Variants in PPP1R9A observed in about 807,000 individuals in gnomAD.
The protein encoded by PPP1R9A is neurabin-1.
In PPP1R9A, 59 loss-of-function variants were observed where a neutral mutation model predicts 141.9. The observed-to-expected ratio is 0.42, with a 90% CI of 0.34 to 0.52. The LOEUF (loss-of-function observed/expected upper bound fraction) is 0.52, where lower values mean the gene tolerates loss of function less well. Among genes scored for constraint, PPP1R9A ranks in the 20% least tolerant of loss-of-function variants. The pLI, the probability that PPP1R9A is intolerant of heterozygous loss-of-function variation, is 0.10. For missense variants in PPP1R9A, 1,444 were observed against 1,611.9 expected (o/e 0.90, Z 1.78); for synonymous variants, 500 against 569.7 (o/e 0.88, Z 1.74).
intron 4 of PPP1R9A, among the ~76,000 whole-genome samples, chr7:95,131,358 A>G (rs1372391182): frequency 6.6e-6 from 1 of 152,174 alleles, no homozygotes; most frequent in African/African-American, 2.4e-5. Context: ...AGCCATGTGG[A>G]ACTGTAAGTC....
chr7:95,230,796 T>C (rs1027777053), intron 8 of PPP1R9A, among the ~76,000 whole-genome samples: 3 of 151,996 alleles, frequency 2.0e-5, no homozygotes, highest in Non-Finnish European at 2.9e-5. Flanking sequence ...TACACCAAAA[T>C]AGAACCTTCT....
intron 4 of PPP1R9A, among the ~76,000 whole-genome samples, chr7:95,142,121 C>T (rs1312258784): frequency 1.3e-5 from 2 of 151,980 alleles, no homozygotes; most frequent in African/African-American, 4.8e-5. Flanking sequence ...TGATGTTGAA[C>T]ATTTTTTTCA....
chr7:95,028,587 A>G (rs2151795050), intron 2 of PPP1R9A, among the ~76,000 whole-genome samples: 1 of 152,318 alleles, frequency 6.6e-6, no homozygotes, highest in Non-Finnish European at 1.5e-5. Flanking sequence ...TTTTAGGGCT[A>G]GAGGAAATAA....
chr7:95,163,383 A>T (rs545096626), intron 5 of PPP1R9A, among the ~76,000 whole-genome samples: 1 of 152,282 alleles, frequency 6.6e-6, no homozygotes, highest in Non-Finnish European at 1.5e-5. Context: ...GGAAGGACAT[A>T]ATTACAGTTT....
At chr7:94,943,977 A>G (rs935147119) in intron 2 of PPP1R9A, among the ~76,000 whole-genome samples, 2 of 152,224 alleles carry the variant, frequency 1.3e-5, no homozygotes, top group Middle Eastern at 3.4e-3. Flanking sequence ...ACCTCATGCT[A>G]TCTGTGTGAG....
intron 2 of PPP1R9A, among the ~76,000 whole-genome samples, chr7:95,090,404 T>TAAA (rs1817186965): frequency 6.6e-6 from 1 of 152,090 alleles, no homozygotes; most frequent in Admixed American, 6.5e-5. Context: ...TTTGCTTTTA[T>TAAA]AGTGTATGGA....
chr7:95,283,676 C>T (rs1804712707), intron 16 of PPP1R9A, among the ~76,000 whole-genome samples: 1 of 152,134 alleles, frequency 6.6e-6, no homozygotes, highest in Admixed American at 6.6e-5. Flanking sequence ...GCATGTCACC[C>T]AGATAAAGGG....
chr7:94,912,519 A>G (rs10238249), intron 2 of PPP1R9A, among the ~76,000 whole-genome samples: 14,303 of 152,150 alleles, frequency 0.094, 1,111 homozygotes, highest in African/African-American at 0.22. Flanking sequence ...TGTATATATG[A>G]TAGACTTGGA....
intron 2 of PPP1R9A, among the ~76,000 whole-genome samples, chr7:95,079,316 G>C (rs1584576276): frequency 2.0e-5 from 3 of 152,204 alleles, no homozygotes; most frequent in Admixed American, 6.5e-5. Context: ...ATTTCTGAGG[G>C]CTCTGTTCTG....
chr7:95,087,678 C>T lies in PPP1R9A; in HGVS notation c.1396-23581C>T, dbSNP rs529852276. Among the ~76,000 whole-genome samples the T allele has an allele frequency of 2.6e-4, 39 of 152,034 alleles. 1 individual carries two copies. Among genetic ancestry groups the T allele is most frequent in the African/African-American group, 8.7e-4 (36 of 41,384 alleles). On this transcript the variant is annotated intron_variant, in intron 2 of 19. Coordinates refer to ENST00000433360, the MANE Select transcript of PPP1R9A (RefSeq NM_001166160.2). Reference sequence around the variant, plus strand: ...TTGGGAGGTCGAGGCGAGTAGATCACGAGGTCAGGAGTTCAAGACCAGCCT... The same window carrying T: ...TTGGGAGGTCGAGGCGAGTAGATCATGAGGTCAGGAGTTCAAGACCAGCCT...
At chr7:95,184,015 A>G (rs1378896628) in intron 5 of PPP1R9A, among the ~76,000 whole-genome samples, 1 of 152,174 alleles carries the variant, frequency 6.6e-6, no homozygotes. Flanking sequence ...ATATTAATCT[A>G]GCTCTCAATA....
chr7:95,075,528 G>A (rs372482355), intron 2 of PPP1R9A, among the ~76,000 whole-genome samples: 16 of 152,088 alleles, frequency 1.1e-4, no homozygotes, highest in Admixed American at 5.9e-4. Context: ...TTAACAAAAG[G>A]TGATAAAGTA....
intron 2 of PPP1R9A, among the ~76,000 whole-genome samples, chr7:94,970,087 A>T (rs112794769): frequency 6.6e-6 from 1 of 152,118 alleles, no homozygotes; most frequent in African/African-American, 2.4e-5. Context: ...GGTGGGCTCC[A>T]TGGGGGTGGG....
At chr7:95,160,662 C>T (rs7781137) in intron 4 of PPP1R9A, among the ~76,000 whole-genome samples, 51,967 of 151,726 alleles carry the variant, frequency 0.34, 9,878 homozygotes, top group Middle Eastern at 0.47. Context: ...GTTTTTCAGC[C>T]CTTGCTTCCC....
intron 4 of PPP1R9A, among the ~76,000 whole-genome samples, chr7:95,139,456 T>C (rs1253830046): frequency 2.0e-5 from 3 of 152,094 alleles, no homozygotes; most frequent in Non-Finnish European, 4.4e-5. Flanking sequence ...CCAAACCATA[T>C]CACAACTCAA....
At chr7:94,942,597 G>A (rs1795450811) in intron 2 of PPP1R9A, among the ~76,000 whole-genome samples, 1 of 152,078 alleles carries the variant, frequency 6.6e-6, no homozygotes. Flanking sequence ...GAAGTCAGGA[G>A]TTCGAGGCAA....
chr7:95,141,733 T>A (rs1051964085), intron 4 of PPP1R9A, among the ~76,000 whole-genome samples: 5 of 152,188 alleles, frequency 3.3e-5, no homozygotes, highest in African/African-American at 1.2e-4. Flanking sequence ...TAATATTCCA[T>A]TGACTTGATA....
chr7:95,100,369 T>C (rs1007556394), intron 2 of PPP1R9A, among the ~76,000 whole-genome samples: 4 of 152,226 alleles, frequency 2.6e-5, no homozygotes, highest in African/African-American at 9.6e-5. Context: ...CATGGACTTT[T>C]GTATATGTTT....
chr7:95,291,849 C>T lies in PPP1R9A; in HGVS notation c.*1546C>T, dbSNP rs1048400624. On this transcript the variant is annotated 3_prime_UTR_variant, in exon 20 of 20. Coordinates refer to ENST00000433360, the MANE Select transcript of PPP1R9A (RefSeq NM_001166160.2). The stretch of plus-strand genomic sequence containing the variant: ...TAGAAGTATTCCATATTTAGAGCCT[C>T]GGCAAGGCTTTTGAGTGTAACAGAT... 4 of 152,082 alleles carry T rather than the reference C, an allele frequency of 2.6e-5. No homozygotes were observed. The highest frequency in any genetic ancestry group is 1.9e-4 in the East Asian group (1 of 5,190). 9.4% of individuals were successfully genotyped at this position (152,082 alleles called of 1,614,324 possible).
Sources: allele counts gnomAD v4.1 joint callset (sites outside exome capture counted in the v4.1 genomes callset), GRCh38; gene constraint gnomAD v4.1.1; transcripts MANE v1.5; gene names NCBI Gene and HGNC (gene_info 2026-07-23, HGNC 2026-07-21).